The following ZNF503 variants were observed in gnomAD, a reference collection of about 807,000 sequenced individuals.
ZNF503 encodes the protein zinc finger protein 503.
ZNF503 carries 15 observed loss-of-function variants against 34.4 expected under a neutral mutation model. The ratio of observed to expected loss-of-function variants is 0.44; its 90% CI spans 0.29 to 0.67. The LOEUF (loss-of-function observed/expected upper bound fraction) is 0.67. Ranked by LOEUF, ZNF503 falls within the 30% of genes least tolerant of loss-of-function variation. The pLI is 0.13. For missense variants in ZNF503, 1,007 were observed against 926.8 expected (o/e 1.09, Z -1.12); for synonymous variants, 580 against 456.8 (o/e 1.27, Z -3.44).
the ZNF503 span, among the ~76,000 whole-genome samples, chr10:75,284,234 A>G: frequency 6.6e-6 from 1 of 152,150 alleles, no homozygotes; most frequent in Non-Finnish European, 1.5e-5. Context: ...CAGCCCTAGG[A>G]TCTCTGACAT....
Position 75,399,036 on chromosome 10 carries a change from G to T in ZNF503, c.1654C>A (p.Leu552Met), listed in dbSNP as rs900017813. The T allele has an allele frequency of 3.7e-6, 6 of 1,611,956 alleles. No individual in the cohort carries two copies. In the Admixed American group the frequency reaches 8.3e-5, roughly 22 times the overall value. ...GACGACGAGCTGGGGTAGCCCGACA[G>T]CAGTTTGTCTGTCCCGGGAAATGCC... Reference protein sequence around the residue: ...HTAFPGTDKLLSGYPSSSSLA... With the variant: ...HTAFPGTDKLMSGYPSSSSLA... The change falls in exon 2 of 2, where the codon CTG (leucine) becomes ATG (methionine). Residue 552 changes from leucine (L) to methionine (M), a missense_variant. Transcript: ENST00000372524.
At chr10:75,373,773 G>A in the ZNF503 span, among the ~76,000 whole-genome samples, 858 of 152,334 alleles carry the variant, frequency 5.6e-3, 2 homozygotes, top group South Asian at 0.01. Context: ...ATTCATAAGT[G>A]AATGGGCTTT....
the ZNF503 span, among the ~76,000 whole-genome samples, chr10:75,304,682 A>C: frequency 3.9e-5 from 6 of 152,246 alleles, no homozygotes; most frequent in African/African-American, 1.2e-4. Context: ...AATATTTTCT[A>C]TGTTAACTAG....
the ZNF503 span, among the ~76,000 whole-genome samples, chr10:75,320,183 A>T: frequency 6.6e-6 from 1 of 152,226 alleles, no homozygotes; most frequent in Non-Finnish European, 1.5e-5. Flanking sequence ...ATAAACTTTT[A>T]AAAATTAGCA....
chr10:75,294,098 C>T, the ZNF503 span, among the ~76,000 whole-genome samples: 1 of 152,194 alleles, frequency 6.6e-6, no homozygotes, highest in Admixed American at 6.5e-5. Flanking sequence ...TTGGAGGCTC[C>T]GGGGAGGAGC....
At chr10:75,389,700 A>C in the ZNF503 span, among the ~76,000 whole-genome samples, 1 of 152,186 alleles carries the variant, frequency 6.6e-6, no homozygotes, top group Non-Finnish European at 1.5e-5. Flanking sequence ...ACTGCACTCC[A>C]GTCTGGGCGA....
the ZNF503 span, among the ~76,000 whole-genome samples, chr10:75,377,658 G>C: frequency 4.6e-5 from 7 of 152,136 alleles, no homozygotes; most frequent in Non-Finnish European, 4.4e-5. Context: ...TTTCTATCCA[G>C]GTTGAAGTGG....
At chr10:75,354,898 T>A in the ZNF503 span, among the ~76,000 whole-genome samples, 1 of 152,156 alleles carries the variant, frequency 6.6e-6, no homozygotes, top group East Asian at 1.9e-4. Context: ...CAGGCTGGAG[T>A]GCAGGGGCAC....
chr10:75,308,255 TG>T, the ZNF503 span, among the ~76,000 whole-genome samples: 1 of 146,792 alleles, frequency 6.8e-6, no homozygotes, highest in African/African-American at 2.5e-5. Context: ...ACAGCACATC[TG>T]TTTACAGCAT....
At chr10:75,346,460 T>C in the ZNF503 span, among the ~76,000 whole-genome samples, 2 of 151,442 alleles carry the variant, frequency 1.3e-5, no homozygotes, top group Non-Finnish European at 2.9e-5. Flanking sequence ...TTTCAGGGTC[T>C]TGCTCTGTCA....
At chr10:75,289,993 A>C in the ZNF503 span, among the ~76,000 whole-genome samples, 1 of 152,140 alleles carries the variant, frequency 6.6e-6, no homozygotes, top group Non-Finnish European at 1.5e-5. Context: ...ACTAAACAAT[A>C]ATTCCCCATT....
chr10:75,337,436 A>C, the ZNF503 span, among the ~76,000 whole-genome samples: 1 of 152,066 alleles, frequency 6.6e-6, no homozygotes, highest in Admixed American at 6.6e-5. Context: ...CAGCCTGGCC[A>C]ACACGGTGAA....
chr10:75,376,386 G>A, the ZNF503 span, among the ~76,000 whole-genome samples: 1 of 152,190 alleles, frequency 6.6e-6, no homozygotes, highest in African/African-American at 2.4e-5. Context: ...GTTCATGCCT[G>A]TAATCCTAGC....
At chr10:75,325,869 T>G in the ZNF503 span, among the ~76,000 whole-genome samples, 1 of 152,142 alleles carries the variant, frequency 6.6e-6, no homozygotes, top group African/African-American at 2.4e-5. Flanking sequence ...TTGCTTTTTT[T>G]TTTTTTTGAG....
chr10:75,365,935 C>T, the ZNF503 span, among the ~76,000 whole-genome samples: 2 of 152,178 alleles, frequency 1.3e-5, no homozygotes, highest in South Asian at 2.1e-4. Flanking sequence ...GGCAGGCATG[C>T]GTGCCTCTCG....
chr10:75,307,524 T>C, the ZNF503 span, among the ~76,000 whole-genome samples: 2 of 152,166 alleles, frequency 1.3e-5, no homozygotes, highest in African/African-American at 4.8e-5. Flanking sequence ...GATCAAGAAA[T>C]TGCAGCAAGT....
the ZNF503 span, among the ~76,000 whole-genome samples, chr10:75,341,569 A>C: frequency 6.6e-6 from 1 of 152,218 alleles, no homozygotes; most frequent in Non-Finnish European, 1.5e-5. Context: ...GGGTTGGCTG[A>C]GAATTGCTAG....
At chr10:75,366,406 G>A in the ZNF503 span, among the ~76,000 whole-genome samples, 1 of 152,192 alleles carries the variant, frequency 6.6e-6, no homozygotes, top group African/African-American at 2.4e-5. Flanking sequence ...GAGGTAGCCT[G>A]GGTTCCCACG....
chr10:75,313,878 A>G, the ZNF503 span, among the ~76,000 whole-genome samples: 11 of 152,242 alleles, frequency 7.2e-5, no homozygotes, highest in Non-Finnish European at 4.4e-5. Flanking sequence ...TAGAGAAAGC[A>G]TACAATCTTA....
Sources: allele counts gnomAD v4.1 joint callset (sites outside exome capture counted in the v4.1 genomes callset), GRCh38; gene constraint gnomAD v4.1.1; transcripts MANE v1.5; gene names NCBI Gene and HGNC (gene_info 2026-07-23, HGNC 2026-07-21).